LINGO2: variants seen among roughly 807,000 people sequenced by gnomAD.
The protein encoded by LINGO2 is leucine-rich repeat and immunoglobulin-like domain-containing nogo receptor-interacting protein 2.
LINGO2 carries 14 observed loss-of-function variants against 30.6 expected under a neutral mutation model. The ratio of observed to expected loss-of-function variants is 0.46; its 90% confidence interval spans 0.30 to 0.72. The LOEUF is 0.72. Ranked by LOEUF, LINGO2 falls within the 30% of genes least tolerant of loss-of-function variation. The pLI is 0.07. For synonymous variants in LINGO2, 317 were observed against 288.5 expected, an observed-to-expected ratio of 1.10 and a Z score of -1.00; for missense variants, 729 against 751.7, an observed-to-expected ratio of 0.97 and a Z score of 0.35.
the LINGO2 span, among the ~76,000 whole-genome samples, chr9:28,982,299 A>G: frequency 6.6e-6 from 1 of 152,128 alleles, no homozygotes; most frequent in African/African-American, 2.4e-5. Flanking sequence ...CCATCATTTA[A>G]GTCTTTTACT....
At chr9:28,789,840 C>A in the LINGO2 span, among the ~76,000 whole-genome samples, 1 of 152,094 alleles carries the variant, frequency 6.6e-6, no homozygotes, top group South Asian at 2.1e-4. Flanking sequence ...CTAACATATT[C>A]TCTCAAAATC....
chr9:28,239,786 C>A (rs1008387626), intron 4 of LINGO2, among the ~76,000 whole-genome samples: 2 of 151,930 alleles, frequency 1.3e-5, no homozygotes, highest in Admixed American at 6.6e-5. Context: ...TTAGCTAGAG[C>A]AATTAGACAA....
intron 4 of LINGO2, among the ~76,000 whole-genome samples, chr9:28,069,084 A>G (rs1480953520): frequency 6.6e-6 from 1 of 152,184 alleles, no homozygotes; most frequent in Admixed American, 6.6e-5. Flanking sequence ...AAAATGCTAT[A>G]GGATTTCAAA....
the LINGO2 span, among the ~76,000 whole-genome samples, chr9:29,170,392 A>G: frequency 6.6e-6 from 1 of 152,188 alleles, no homozygotes; most frequent in Non-Finnish European, 1.5e-5. Flanking sequence ...GAGGGTGCTA[A>G]ACAATGGGTA....
At chr9:28,840,861 CA>C in the LINGO2 span, among the ~76,000 whole-genome samples, 3 of 151,782 alleles carry the variant, frequency 2.0e-5, no homozygotes, top group African/African-American at 7.3e-5. Context: ...ACCTTCATCT[CA>C]TACATTCTTC....
At chr9:28,630,250 A>T (rs1233997904) in intron 1 of LINGO2, among the ~76,000 whole-genome samples, 3 of 152,194 alleles carry the variant, frequency 2.0e-5, no homozygotes, top group African/African-American at 7.2e-5. Flanking sequence ...GAAAAAAAAA[A>T]GTTTCAGTAT....
At chr9:28,335,989 TTC>T (rs1239778896) in intron 3 of LINGO2, among the ~76,000 whole-genome samples, 1 of 152,116 alleles carries the variant, frequency 6.6e-6, no homozygotes, top group African/African-American at 2.4e-5. Context: ...TAGGTTTAAT[TTC>T]TTTTTTAAAA....
intron 1 of LINGO2, among the ~76,000 whole-genome samples, chr9:28,495,075 T>C (rs1819550173): frequency 6.6e-6 from 1 of 152,234 alleles, no homozygotes; most frequent in Admixed American, 6.5e-5. Flanking sequence ...GTTTGTTTTT[T>C]CTTGTAAATT....
intron 4 of LINGO2, among the ~76,000 whole-genome samples, chr9:28,013,739 T>C (rs183070327): frequency 6.6e-6 from 1 of 152,316 alleles, no homozygotes; most frequent in East Asian, 1.9e-4. Flanking sequence ...TATTTCTGAT[T>C]CTTTTTTTCT....
chr9:28,837,336 G>A, the LINGO2 span, among the ~76,000 whole-genome samples: 1 of 151,648 alleles, frequency 6.6e-6, no homozygotes, highest in Non-Finnish European at 1.5e-5. Flanking sequence ...CCTAATTAGA[G>A]CAAAGTAACT....
chr9:29,113,976 T>C, the LINGO2 span, among the ~76,000 whole-genome samples: 2 of 149,348 alleles, frequency 1.3e-5, no homozygotes, highest in Admixed American at 6.7e-5. Flanking sequence ...AAAAAAAAAA[T>C]TGCCAGAAAG....
At chr9:28,505,809 T>C (rs1288128387) in intron 1 of LINGO2, among the ~76,000 whole-genome samples, 1 of 151,934 alleles carries the variant, frequency 6.6e-6, no homozygotes, top group Non-Finnish European at 1.5e-5. Flanking sequence ...GTTATCTCTA[T>C]TTCATTCATT....
the LINGO2 span, among the ~76,000 whole-genome samples, chr9:28,974,794 T>C: frequency 6.6e-6 from 1 of 152,052 alleles, no homozygotes; most frequent in Non-Finnish European, 1.5e-5. Context: ...AGCCTTCTAC[T>C]TGCAAAGTTC....
intron 4 of LINGO2, among the ~76,000 whole-genome samples, chr9:28,046,029 A>G (rs1395176405): frequency 6.6e-6 from 1 of 152,158 alleles, no homozygotes; most frequent in African/African-American, 2.4e-5. Flanking sequence ...CCATGCCTCC[A>G]CTAGTGGACA....
the LINGO2 span, among the ~76,000 whole-genome samples, chr9:29,055,044 C>G: frequency 1.3e-5 from 2 of 152,102 alleles, no homozygotes; most frequent in East Asian, 3.9e-4. Flanking sequence ...TTTGGTGAAG[C>G]CCCATCTCTA....
At chr9:28,895,127 T>C in the LINGO2 span, among the ~76,000 whole-genome samples, 1 of 152,112 alleles carries the variant, frequency 6.6e-6, no homozygotes, top group Non-Finnish European at 1.5e-5. Flanking sequence ...TCAAACTTCA[T>C]AGGTCAAATA....
chr9:28,195,982 T>C (rs1819996324), intron 4 of LINGO2, among the ~76,000 whole-genome samples: 1 of 151,652 alleles, frequency 6.6e-6, no homozygotes, highest in Non-Finnish European at 1.5e-5. Context: ...ACAAGAATGC[T>C]TTAACATAAA....
chr9:28,494,687 T>C (rs932560138), intron 1 of LINGO2, among the ~76,000 whole-genome samples: 5 of 152,210 alleles, frequency 3.3e-5, no homozygotes, highest in Admixed American at 3.3e-4. Context: ...TACGTGTGCA[T>C]GTGTCTTTAA....
chr9:29,057,291 T>C, the LINGO2 span, among the ~76,000 whole-genome samples: 1 of 152,186 alleles, frequency 6.6e-6, no homozygotes, highest in Admixed American at 6.5e-5. Flanking sequence ...CTAATTTTGA[T>C]AATGTAATTT....
Sources: gnomAD v4.1 joint callset for allele counts (sites outside exome capture counted in the v4.1 genomes callset) on GRCh38, gnomAD v4.1.1 for gene constraint, MANE v1.5 for transcripts, NCBI Gene and HGNC (gene_info 2026-07-23, HGNC 2026-07-21) for gene names.